The following SLC24A3 variants were observed in gnomAD, a reference collection of about 807,000 sequenced individuals.
The protein encoded by SLC24A3 is sodium/potassium/calcium exchanger 3.
A neutral mutation model predicts 75.8 loss-of-function variants in SLC24A3; 28 were observed. That is an observed-to-expected ratio of 0.37 (90% CI 0.27 to 0.51). The LOEUF (loss-of-function observed/expected upper bound fraction) is 0.51. Ranked by LOEUF, SLC24A3 falls within the 20% of genes least tolerant of loss-of-function variation. SLC24A3 has a pLI of 0.94. For missense variants in SLC24A3, 663 were observed against 847.8 expected, an observed-to-expected ratio of 0.78 and a Z score of 2.71; for synonymous variants, 372 against 334.1, an observed-to-expected ratio of 1.11 and a Z score of -1.24.
At chr20:19,677,269 CAGCAACAT>C (rs1227788234) in intron 9 of SLC24A3, among the ~76,000 whole-genome samples, 1 of 144,506 alleles carries the variant, frequency 6.9e-6, no homozygotes, top group Non-Finnish European at 1.5e-5. Flanking sequence ...AGACTAACCT[CAGCAACAT>C]AGCAAGACCC....
intron 3 of SLC24A3, among the ~76,000 whole-genome samples, chr20:19,536,802 C>T (rs2030406625): frequency 6.6e-6 from 1 of 152,136 alleles, no homozygotes; most frequent in African/African-American, 2.4e-5. Context: ...ATAAATGGTG[C>T]TGGGAAAACT....
intron 2 of SLC24A3, among the ~76,000 whole-genome samples, chr20:19,293,466 G>A (rs1361821957): frequency 2.6e-5 from 4 of 151,872 alleles, no homozygotes; most frequent in Admixed American, 6.6e-5. Context: ...GACCAGCCTG[G>A]CCAACATCGT....
At chr20:19,310,807 C>T (rs1330393389) in intron 2 of SLC24A3, among the ~76,000 whole-genome samples, 2 of 152,196 alleles carry the variant, frequency 1.3e-5, no homozygotes, top group Non-Finnish European at 2.9e-5. Context: ...CTTGCACTAC[C>T]TGTTTCTTTA....
intron 2 of SLC24A3, among the ~76,000 whole-genome samples, chr20:19,332,360 G>C (rs1250912663): frequency 1.3e-5 from 2 of 152,094 alleles, no homozygotes; most frequent in Non-Finnish European, 2.9e-5. Context: ...CCCTTGCCTT[G>C]TTTCCCCTCG....
chr20:19,276,922 C>T lies in SLC24A3; in HGVS notation c.143-4037C>T, dbSNP rs1389682815. ...TTAAAAAAAAAAAAAATTGACCACT[C>T]TTATATATGCCCTCCGACGCTGACA... On this transcript the variant is annotated intron_variant, in intron 1 of 16. Transcript: ENST00000328041. 3.3e-5 allele frequency among the ~76,000 whole-genome samples: 5 copies of T among 152,036 alleles called. No individual in the cohort carries two copies. In the East Asian group the frequency reaches 9.6e-4, roughly 29 times the overall value.
At chr20:19,292,994 TC>T (rs1211453716) in intron 2 of SLC24A3, among the ~76,000 whole-genome samples, 1 of 152,096 alleles carries the variant, frequency 6.6e-6, no homozygotes, top group Non-Finnish European at 1.5e-5. Context: ...AGGTCTTACC[TC>T]CTAATCACCT....
chr20:19,226,007 G>T (rs1981858405), intron 1 of SLC24A3, among the ~76,000 whole-genome samples: 1 of 152,086 alleles, frequency 6.6e-6, no homozygotes, highest in Non-Finnish European at 1.5e-5. Flanking sequence ...CTGATATTAG[G>T]GGGAAAACGT....
chr20:19,480,948 C>T (rs540097826), intron 2 of SLC24A3, among the ~76,000 whole-genome samples: 2 of 152,256 alleles, frequency 1.3e-5, no homozygotes, highest in South Asian at 4.1e-4. Flanking sequence ...AATACAAAAC[C>T]TCTAAAAATA....
intron 2 of SLC24A3, among the ~76,000 whole-genome samples, chr20:19,447,180 G>T (rs749222498): frequency 2.8e-4 from 42 of 152,140 alleles, no homozygotes; most frequent in Non-Finnish European, 4.9e-4. Context: ...TGTGAAATCT[G>T]GGAATACTTA....
chr20:19,605,529 C>G (rs2031586139), intron 6 of SLC24A3, among the ~76,000 whole-genome samples: 1 of 152,186 alleles, frequency 6.6e-6, no homozygotes, highest in African/African-American at 2.4e-5. Flanking sequence ...TTGGCTGCCA[C>G]TAAGAGATTA....
At chr20:19,476,551 C>G (rs1987964761) in intron 2 of SLC24A3, among the ~76,000 whole-genome samples, 1 of 152,010 alleles carries the variant, frequency 6.6e-6, no homozygotes, top group African/African-American at 2.4e-5. Context: ...TGTAAGACAC[C>G]ATGAAGAGAA....
chr20:19,575,323 C>T (rs957781614), intron 3 of SLC24A3, among the ~76,000 whole-genome samples: 10 of 149,912 alleles, frequency 6.7e-5, no homozygotes, highest in African/African-American at 2.5e-4. Context: ...TGGGATCCAT[C>T]ACTTCATATA....
Position 19,511,849 on chromosome 20 carries a change from G to T in SLC24A3, c.272-3639G>T, listed in dbSNP as rs190278487. Among the ~76,000 whole-genome samples the T allele has an allele frequency of 1.7e-3, 261 of 149,746 alleles. 1 individual carries two copies. The highest frequency in any genetic ancestry group is 5.9e-3 in the African/African-American group (243 of 41,050). On this transcript the variant is annotated intron_variant, in intron 2 of 16. Transcript: ENST00000328041. ...AGTGGGTGGATATCAGGTGAAGTTT[G>T]CTAGGTGAGTATTTAACCTGGTCAT... is the stretch of plus-strand genomic sequence containing the variant.
At chr20:19,527,116 A>C (rs1231553669) in intron 3 of SLC24A3, among the ~76,000 whole-genome samples, 2 of 152,024 alleles carry the variant, frequency 1.3e-5, no homozygotes, top group Non-Finnish European at 2.9e-5. Context: ...TACAAACTCC[A>C]GCTAGAAGTC....
intron 2 of SLC24A3, among the ~76,000 whole-genome samples, chr20:19,370,621 T>C (rs185166096): frequency 4.6e-5 from 7 of 152,362 alleles, no homozygotes; most frequent in Admixed American, 1.3e-4. Context: ...TTTCTTGCTT[T>C]TTAAATCATG....
At chr20:19,455,249 T>A (rs1252363318) in intron 2 of SLC24A3, among the ~76,000 whole-genome samples, 4 of 152,316 alleles carry the variant, frequency 2.6e-5, no homozygotes, top group African/African-American at 9.6e-5. Flanking sequence ...ATTTTTGTTT[T>A]CTTTTTCCAT....
chr20:19,280,345 A>G (rs1983621451), intron 1 of SLC24A3, among the ~76,000 whole-genome samples: 1 of 151,968 alleles, frequency 6.6e-6, no homozygotes, highest in Non-Finnish European at 1.5e-5. Flanking sequence ...ATGGCAAATT[A>G]TGTCTTTGCT....
intron 1 of SLC24A3, among the ~76,000 whole-genome samples, chr20:19,266,536 A>G (rs1983170986): frequency 6.6e-6 from 1 of 152,248 alleles, no homozygotes. Context: ...AGAAAACAGC[A>G]GACAATTTTA....
At chr20:19,461,566 T>TCTGTCGCC in intron 2 of SLC24A3, among the ~76,000 whole-genome samples, 1 of 146,458 alleles carries the variant, frequency 6.8e-6, no homozygotes, top group South Asian at 2.2e-4. Flanking sequence ...GGAGTCTTGC[T>TCTGTCGCC]CTGTCGCCCA....
Sources: gnomAD v4.1 joint callset for allele counts (sites outside exome capture counted in the v4.1 genomes callset) on GRCh38, gnomAD v4.1.1 for gene constraint, MANE v1.5 for transcripts, NCBI Gene and HGNC (gene_info 2026-07-23, HGNC 2026-07-21) for gene names.